ACOT7: variants seen among roughly 807,000 people sequenced by gnomAD.
The protein encoded by ACOT7 is cytosolic acyl coenzyme A thioester hydrolase.
ACOT7 carries 12 observed loss-of-function variants against 40.2 expected under a neutral mutation model. That is an observed-to-expected ratio of 0.30 (90% CI 0.19 to 0.48). ACOT7 has a LOEUF of 0.48. Among genes scored for constraint, ACOT7 ranks in the 20% least tolerant of loss-of-function variants. The probability of loss-of-function intolerance (pLI) is 0.99; values close to 1 mark genes in which losing one functional copy is unlikely to be tolerated. For missense variants in ACOT7, 395 were observed against 530.8 expected, an observed-to-expected ratio of 0.74 and a Z score of 2.51; for synonymous variants, 228 against 219.5, an observed-to-expected ratio of 1.04 and a Z score of -0.34.
chr1:6,391,565 T>C (rs1203093186), intron 1 of ACOT7, among the ~76,000 whole-genome samples: 2 of 152,118 alleles, frequency 1.3e-5, no homozygotes, highest in Non-Finnish European at 2.9e-5. Context: ...CATGTATAAA[T>C]TGGCTATTCA....
rs1346816503 is a variant in ACOT7 at position 6,301,855 on chromosome 1, C to T, written c.713-6875G>A. 1.3e-5 allele frequency among the ~76,000 whole-genome samples: 2 copies of T among 152,148 alleles called. No homozygotes were observed. Among genetic ancestry groups the T allele is most frequent in the Admixed American group, 6.5e-5 (1 of 15,280 alleles). On this transcript the variant is annotated intron_variant, in intron 6 of 8. Coordinates refer to ENST00000361521, the MANE Select transcript of ACOT7 (RefSeq NM_007274.4). This position sits in a 1 kb window ranked among gnomAD's most constrained non-coding sequence, Gnocchi z 4.1. ...AAATGATCTTGCTGTGTGAGCTGGA[C>T]GGTGACATTTACAGGGACAGCCTCC...
chr1:6,338,631 A>G lies in ACOT7; in HGVS notation c.418+802T>C, dbSNP rs1253656142. Among the ~76,000 whole-genome samples the G allele has an allele frequency of 7.9e-5, 12 of 152,192 alleles. No homozygotes were observed. Among genetic ancestry groups the G allele is most frequent in the Admixed American group, 6.5e-4 (10 of 15,278 alleles). ...GCTTGCTACCGGCCCGTCATGAGGAAGAGGACTCAAGCCCCTCAAATGGCT... is the reference window on the plus strand; with the variant it reads ...GCTTGCTACCGGCCCGTCATGAGGAGGAGGACTCAAGCCCCTCAAATGGCT... On this transcript the variant is annotated intron_variant, in intron 3 of 8. Coordinates refer to ENST00000361521, the MANE Select transcript of ACOT7 (RefSeq NM_007274.4). The surrounding 1 kb of genome is among the most constrained non-coding windows in gnomAD (Gnocchi z 4.4).
At position 6,349,812 on chromosome 1, in the gene ACOT7, G is replaced by A; in HGVS notation, c.198C>T (p.Ile66=). ...NVAGNVHGGT[I]LKMIEEAGAI... is the part of the protein sequence containing the mutation. ...CGCCTGCCTCCTCGATCATCTTCAG[G>A]ATGGTCCCCCCGTGGACATTGCCGG... is the stretch of plus-strand genomic sequence containing the variant. The change falls in exon 2 of 9, where the codon ATC becomes ATT. Residue 66 remains isoleucine, a synonymous_variant. Transcript: ENST00000361521. 3.1e-6 allele frequency: 5 copies of A among 1,614,144 alleles called. No homozygotes were observed. The highest frequency in any genetic ancestry group is 4.2e-6 in the Non-Finnish European group (5 of 1,180,008).
At chr1:6,373,740 C>T (rs1034319722) in intron 1 of ACOT7, among the ~76,000 whole-genome samples, 1 of 152,054 alleles carries the variant, frequency 6.6e-6, no homozygotes, top group Non-Finnish European at 1.5e-5. Flanking sequence ...TGGCAGGCGC[C>T]TGTAATCCCA....
Position 6,358,744 on chromosome 1 carries a change from C to T in ACOT7, c.144-8878G>A. On this transcript the variant is annotated intron_variant, in intron 1 of 8. Coordinates refer to ENST00000361521, the MANE Select transcript of ACOT7 (RefSeq NM_007274.4). The surrounding 1 kb of genome is among the most constrained non-coding windows in gnomAD (Gnocchi z 4.1). The stretch of plus-strand genomic sequence containing the variant: ...GCACAGGGGCCGAGTCCCCTCTACC[C>T]ACCCTTCCCTTCCAAATGTCCCTAA... 3 of 1,447,800 alleles carry T rather than the reference C, an allele frequency of 2.1e-6. No homozygotes were observed. The highest frequency in any genetic ancestry group is 2.9e-6 in the Non-Finnish European group (3 of 1,033,844). 89.7% of individuals were successfully genotyped at this position (1,447,800 alleles called of 1,614,324 possible). A position where few individuals can be genotyped will look rare whatever the true frequency, so the allele number is the denominator to read the frequency against.
chr1:6,328,709 C>T (rs1339576245), intron 4 of ACOT7, among the ~76,000 whole-genome samples: 1 of 152,122 alleles, frequency 6.6e-6, no homozygotes. Context: ...ATAAAAAACA[C>T]CAACAACTCA....
At chr1:6,315,731 G>A (rs1029187727) in intron 6 of ACOT7, among the ~76,000 whole-genome samples, 22 of 147,322 alleles carry the variant, frequency 1.5e-4, no homozygotes, top group African/African-American at 4.8e-4. Context: ...AGCCTGGGTG[G>A]GCGACAGAGT....
chr1:6,281,329 A>G, intron 7 of ACOT7, 43 bp from the exon 8 acceptor site: 1 of 1,573,644 alleles, frequency 6.4e-7, no homozygotes. Flanking sequence ...CCTCCACCCC[A>G]CGGCTGGGCG....
intron 1 of ACOT7, among the ~76,000 whole-genome samples, chr1:6,364,720 C>T (rs1641963413): frequency 2.2e-5 from 3 of 138,812 alleles, no homozygotes; most frequent in African/African-American, 8.1e-5. Context: ...TGGTTGCGCT[C>T]ACCTGTAGTC....
At position 6,318,694 on chromosome 1, in the gene ACOT7, C is replaced by T. The variant is rs41278928; in HGVS notation, c.626-116G>A. On this transcript the variant is annotated intron_variant, in intron 5 of 8. Transcript: ENST00000361521. ...CACAGTCAACGAAGGCGTCCAAAGC[C>T]GGGTTCAGCTATGATTTCTCTAAGG... 9.5e-4 allele frequency: 945 copies of T among 991,620 alleles called. 4 individuals carry two copies. Among genetic ancestry groups the T allele is most frequent in the Middle Eastern group, 5.6e-3 (22 of 3,938 alleles). 61.4% of individuals were successfully genotyped at this position (991,620 alleles called of 1,614,324 possible).
rs991075734 is a variant in ACOT7, at chr1:6,288,136, G to A, written c.829+6728C>T. Among the ~76,000 whole-genome samples the A allele has an allele frequency of 2.6e-5, 4 of 152,094 alleles. No homozygotes were observed. Among genetic ancestry groups the A allele is most frequent in the African/African-American group, 9.7e-5 (4 of 41,424 alleles). ...CCATTAGGGGCTCCACTGCTTGCCT[G>A]GGGGGCGGAGGCTCTCCCACTCTGT... On this transcript the variant is annotated intron_variant, in intron 7 of 8. Transcript: ENST00000361521. The surrounding 1 kb of genome is among the most constrained non-coding windows in gnomAD (Gnocchi z 4.3).
At chr1:6,372,992 T>C (rs1019210687) in intron 1 of ACOT7, among the ~76,000 whole-genome samples, 3 of 152,116 alleles carry the variant, frequency 2.0e-5, no homozygotes, top group Non-Finnish European at 4.4e-5. Flanking sequence ...GATGGGGAAA[T>C]AGCCGGTCAG....
chr1:6,371,212 C>A (rs956720347), intron 1 of ACOT7, among the ~76,000 whole-genome samples: 43 of 152,290 alleles, frequency 2.8e-4, no homozygotes, highest in African/African-American at 1.0e-3. Context: ...GTGCTGACAT[C>A]CAGGATTTGT....
rs1345055912 is a variant in ACOT7 at position 6,291,277 on chromosome 1, C to A, written c.829+3587G>T. Reference sequence around the variant, plus strand: ...TCCAGGTGTGTCCTAAATCCTATGACAAGTGTCCTTATAAGAGACAGAAGA... The same window carrying A: ...TCCAGGTGTGTCCTAAATCCTATGAAAAGTGTCCTTATAAGAGACAGAAGA... On this transcript the variant is annotated intron_variant, in intron 7 of 8. Coordinates refer to ENST00000361521, the MANE Select transcript of ACOT7 (RefSeq NM_007274.4). 2.6e-5 allele frequency among the ~76,000 whole-genome samples: 4 copies of A among 152,090 alleles called. No homozygotes were observed. The East Asian group carries it at 7.7e-4, about 29-fold the overall frequency.
chr1:6,371,571 CA>C (rs1401461118), intron 1 of ACOT7, among the ~76,000 whole-genome samples: 1 of 151,744 alleles, frequency 6.6e-6, no homozygotes, highest in Admixed American at 6.6e-5. Flanking sequence ...CCATGTTGGC[CA>C]GGCTGGTCTC....
rs189922283 is a variant in ACOT7 at position 6,340,005 on chromosome 1, A to T, written c.262-416T>A. On this transcript the variant is annotated intron_variant, in intron 2 of 8. Coordinates refer to ENST00000361521, the MANE Select transcript of ACOT7 (RefSeq NM_007274.4). ...TTTTGAGATGGAGTCTCGCTCTGTCACCCAGGCTGGAGTGCAGTGGTGCGA... is the reference window on the plus strand; with the variant it reads ...TTTTGAGATGGAGTCTCGCTCTGTCTCCCAGGCTGGAGTGCAGTGGTGCGA... Among the ~76,000 whole-genome samples, 4 of 150,016 alleles carry T rather than the reference A, an allele frequency of 2.7e-5. No homozygotes were observed. The South Asian group carries it at 8.4e-4, about 31-fold the overall frequency.
At chr1:6,375,008 T>C (rs1571351529) in intron 1 of ACOT7, among the ~76,000 whole-genome samples, 2 of 152,090 alleles carry the variant, frequency 1.3e-5, no homozygotes, top group South Asian at 4.1e-4. Context: ...CCGGGCGCGG[T>C]GGCTCACACC....
chr1:6,311,006 G>A lies in ACOT7; in HGVS notation c.712+7486C>T, dbSNP rs1640315522. On this transcript the variant is annotated intron_variant, in intron 6 of 8. Coordinates refer to ENST00000361521, the MANE Select transcript of ACOT7 (RefSeq NM_007274.4). This position sits in a 1 kb window ranked among gnomAD's most constrained non-coding sequence, Gnocchi z 5.2. ...ACCTGCCTTGGCCTCCCAAAGTGCTGGGATTACAGGTGTGAGCCACCACGT... is the reference window on the plus strand; with the variant it reads ...ACCTGCCTTGGCCTCCCAAAGTGCTAGGATTACAGGTGTGAGCCACCACGT... Among the ~76,000 whole-genome samples, 1 of 152,282 alleles carries A rather than the reference G, an allele frequency of 6.6e-6. No individual in the cohort carries two copies. Among genetic ancestry groups the A allele is most frequent in the Non-Finnish European group, 1.5e-5 (1 of 68,020 alleles).
intron 8 of ACOT7, among the ~76,000 whole-genome samples, chr1:6,266,007 C>G (rs1252265018): frequency 6.6e-6 from 1 of 152,200 alleles, no homozygotes; most frequent in Non-Finnish European, 1.5e-5. Context: ...ACTGTCAAAA[C>G]CTCGCCGGCC....
Sources: allele counts gnomAD v4.1 joint callset (sites outside exome capture counted in the v4.1 genomes callset), GRCh38; gene constraint gnomAD v4.1.1; non-coding constraint Gnocchi (gnomAD v3.1); transcripts MANE v1.5; gene names NCBI Gene and HGNC (gene_info 2026-07-23, HGNC 2026-07-21).